Variants in ETV1 observed in about 807,000 individuals in gnomAD.
ETV1 encodes the protein ETS variant transcription factor 1.
In ETV1, 27 loss-of-function variants were observed where a neutral mutation model predicts 62.3. That is an observed-to-expected ratio of 0.43 (90% CI 0.32 to 0.60). The LOEUF (loss-of-function observed/expected upper bound fraction) is 0.60, where lower values mean the gene tolerates loss of function less well. ETV1 is among the 20% of genes least tolerant of loss of function. The probability of loss-of-function intolerance (pLI) is 0.06; values close to 1 mark genes in which losing one functional copy is unlikely to be tolerated. For missense variants in ETV1, 605 were observed against 605.8 expected (o/e 1.00, Z 0.01); for synonymous variants, 222 against 199.6 (o/e 1.11, Z -0.94).
At chr7:13,934,171 T>G (rs1786512913) in intron 8 of ETV1, among the ~76,000 whole-genome samples, 1 of 152,130 alleles carries the variant, frequency 6.6e-6, no homozygotes, top group African/African-American at 2.4e-5. Flanking sequence ...TACAAAACTG[T>G]TTACACAGAT....
intron 9 of ETV1, among the ~76,000 whole-genome samples, chr7:13,927,398 G>T (rs1021722517): frequency 6.6e-6 from 1 of 152,174 alleles, no homozygotes; most frequent in African/African-American, 2.4e-5. Context: ...GTTGCAGTGA[G>T]CCGAAATCAC....
intron 6 of ETV1, among the ~76,000 whole-genome samples, chr7:13,975,562 C>CAA (rs765452116): frequency 0.023 from 944 of 41,076 alleles, 18 homozygotes; most frequent in African/African-American, 0.079. Flanking sequence ...GACTCTGTCT[C>CAA]AAAAAAAAAA....
At chr7:13,982,075 T>C (rs186074229) in intron 5 of ETV1, among the ~76,000 whole-genome samples, 6 of 152,232 alleles carry the variant, frequency 3.9e-5, no homozygotes, top group Admixed American at 3.9e-4. Flanking sequence ...TAATACTTGA[T>C]CAAGGCATTA....
intron 5 of ETV1, among the ~76,000 whole-genome samples, chr7:13,984,115 A>G (rs1295932937): frequency 6.6e-6 from 1 of 152,000 alleles, no homozygotes; most frequent in Non-Finnish European, 1.5e-5. Context: ...TATGACAACT[A>G]ACTTGACTCT....
rs149240252 is a variant in ETV1 at position 13,920,335 on chromosome 7, C to T, written c.803-9028G>A. 2.4e-3 allele frequency among the ~76,000 whole-genome samples: 367 copies of T among 152,270 alleles called. 2 individuals carry two copies. Among genetic ancestry groups the T allele is most frequent in the Non-Finnish European group, 4.3e-3 (292 of 68,010 alleles). On this transcript the variant is annotated intron_variant, in intron 9 of 13. Transcript: ENST00000430479. ...AGTGTCAGGTTACTTGCAAGCAGGA[C>T]CAATGAGCATTAATCATTACTTCCA...
intron 6 of ETV1, among the ~76,000 whole-genome samples, chr7:13,962,923 T>C (rs538494646): frequency 3.1e-4 from 47 of 152,318 alleles, no homozygotes; most frequent in African/African-American, 1.0e-3. Flanking sequence ...AAAACACTTA[T>C]TTTACGTCTT....
chr7:13,904,951 G>A (rs947260164), intron 12 of ETV1, among the ~76,000 whole-genome samples: 6 of 147,268 alleles, frequency 4.1e-5, no homozygotes, highest in African/African-American at 1.0e-4. Context: ...ACACCCAAAC[G>A]TCATCCTAGA....
At chr7:13,964,622 T>C (rs1790568553) in intron 6 of ETV1, among the ~76,000 whole-genome samples, 1 of 152,162 alleles carries the variant, frequency 6.6e-6, no homozygotes, top group Admixed American at 6.5e-5. Context: ...AGTCATTCCT[T>C]CATCCAACAA....
In ETV1 at chr7:13,977,468, T is replaced by G; in HGVS notation, c.194A>C (p.Asp65Ala). The change falls in exon 6 of 14, where the codon GAC becomes GCC. Residue 65 changes from aspartate (D) to alanine (A), a missense_variant. Around this residue, in one of 3 missense-constraint regions of ETV1, gnomAD observed 426 missense variants for 377.8 expected, o/e 1.13. Coordinates refer to ENST00000430479, the MANE Select transcript of ETV1 (RefSeq NM_004956.5). ...ETWLAEAQVP[D>A]NDEQFVPDYQ... ...GTCTGGTACAAACTGCTCATCATTG[T>G]CAGGTACCTGAGCTGAAGAAGAAAA... 1 of 1,546,070 alleles carries G rather than the reference T, an allele frequency of 6.5e-7. No homozygotes were observed. Among genetic ancestry groups the G allele is most frequent in the Non-Finnish European group, 8.7e-7 (1 of 1,143,520 alleles).
At chr7:13,948,453 A>G (rs1449181657) in intron 6 of ETV1, among the ~76,000 whole-genome samples, 1 of 152,140 alleles carries the variant, frequency 6.6e-6, no homozygotes, top group African/African-American at 2.4e-5. Flanking sequence ...CTTTATTTTG[A>G]GGTTGCGTTT....
In ETV1 at chr7:13,892,480, T is replaced by C. The variant is rs552460132; in HGVS notation, c.*3386A>G. 39 of 233,040 alleles carry C rather than the reference T, an allele frequency of 1.7e-4. No individual in the cohort carries two copies. The highest frequency in any genetic ancestry group is 8.1e-4 in the African/African-American group (37 of 45,458). 14.4% of individuals were successfully genotyped at this position (233,040 alleles called of 1,614,324 possible). ...TAGATCCCTCAGCAGAACTCCACTG[T>C]TCCTGAGTAAATCAATTAGAGTCTT... On this transcript the variant is annotated 3_prime_UTR_variant, in exon 14 of 14. Coordinates refer to ENST00000430479, the MANE Select transcript of ETV1 (RefSeq NM_004956.5).
At chr7:13,947,846 T>G (rs1788354453) in intron 6 of ETV1, among the ~76,000 whole-genome samples, 1 of 152,188 alleles carries the variant, frequency 6.6e-6, no homozygotes, top group Admixed American at 6.5e-5. Context: ...TGAAGATAAA[T>G]AGTAAGACAC....
At position 13,931,646 on chromosome 7, in the gene ETV1, T is replaced by A. The variant is rs1276574918; in HGVS notation, c.658A>T (p.Ile220Phe). ...TTAAAGCCTTGTGGTGGGAAGGGGA[T>A]GTTTGGCTCAGACATCTGGCGTTGG... ...MYQRQMSEPNIPFPPQGFKQE... is the reference protein window; with the variant it reads ...MYQRQMSEPNFPFPPQGFKQE... Residue 220 changes from isoleucine (I) to phenylalanine (F), a missense_variant, in exon 9 of 14, where the codon ATC becomes TTC. Physicochemically the swap from Ile to Phe is conservative, Grantham distance 21. Around this residue, in one of 3 missense-constraint regions of ETV1, gnomAD observed 426 missense variants for 377.8 expected, o/e 1.13. Coordinates refer to ENST00000430479, the MANE Select transcript of ETV1 (RefSeq NM_004956.5). 2 of 1,613,992 alleles carry A rather than the reference T, an allele frequency of 1.2e-6. No individual in the cohort carries two copies. Among genetic ancestry groups the A allele is most frequent in the South Asian group, 1.1e-5 (1 of 91,086 alleles).
chr7:13,909,607 A>C, intron 11 of ETV1, 25 bp downstream of exon 11: 1 of 1,586,602 alleles, frequency 6.3e-7, no homozygotes, highest in Non-Finnish European at 8.6e-7. Context: ...AAAAATCAGA[A>C]CTTGAGGCAA....
intron 9 of ETV1, among the ~76,000 whole-genome samples, chr7:13,914,693 A>C (rs969224141): frequency 2.1e-4 from 32 of 152,106 alleles, no homozygotes; most frequent in African/African-American, 7.2e-4. Flanking sequence ...GGGAAACATA[A>C]TATTGATTTG....
intron 6 of ETV1, among the ~76,000 whole-genome samples, chr7:13,941,796 C>T (rs371009663): frequency 6.6e-6 from 1 of 150,888 alleles, no homozygotes; most frequent in South Asian, 2.1e-4. Context: ...CTTGAACCCG[C>T]GAAGCAGAGT....
At chr7:13,976,545 T>C (rs569808457) in intron 6 of ETV1, among the ~76,000 whole-genome samples, 35 of 152,322 alleles carry the variant, frequency 2.3e-4, no homozygotes, top group African/African-American at 6.3e-4. Context: ...GTAATGCAGG[T>C]ATCTGTATTA....
rs185350803 is a variant in ETV1 at position 13,943,211 on chromosome 7, A to C, written c.236-3965T>G. On this transcript the variant is annotated intron_variant, in intron 6 of 13. Transcript: ENST00000430479. ...ACAAAAGCAGATATCCAGATGGCAA[A>C]ACAAATCGGAACGACAACAAAATAT... Among the ~76,000 whole-genome samples, 15 of 152,346 alleles carry C rather than the reference A, an allele frequency of 9.8e-5. No homozygotes were observed. In the East Asian group the frequency reaches 2.9e-3, roughly 29 times the overall value.
At chr7:13,916,648 G>C (rs990232855) in intron 9 of ETV1, among the ~76,000 whole-genome samples, 8 of 151,978 alleles carry the variant, frequency 5.3e-5, no homozygotes, top group Non-Finnish European at 1.0e-4. Flanking sequence ...AAAAGAGTAG[G>C]CTGTGCACAG....
Sources: allele counts gnomAD v4.1 joint callset (sites outside exome capture counted in the v4.1 genomes callset), GRCh38; gene constraint gnomAD v4.1.1; regional missense constraint gnomAD v4.1.1; transcripts MANE v1.5; gene names NCBI Gene and HGNC (gene_info 2026-07-23, HGNC 2026-07-21).